DLC1: variants seen among roughly 807,000 people sequenced by gnomAD.
The protein encoded by DLC1 is DLC1 Rho GTPase activating protein.
Under a neutral mutation model 140.3 loss-of-function variants are expected in DLC1, and 54 were observed. The ratio of observed to expected loss-of-function variants is 0.38; its 90% CI spans 0.31 to 0.48. DLC1 has a LOEUF of 0.48. Ranked by LOEUF, DLC1 falls within the 20% of genes least tolerant of loss-of-function variation. The pLI, the probability that DLC1 is intolerant of heterozygous loss-of-function variation, is 0.96. For synonymous variants in DLC1, 986 were observed against 728.1 expected (o/e 1.35, Z -5.70); for missense variants, 2,536 against 1,907.0 (o/e 1.33, Z -6.14).
intron 4 of DLC1, among the ~76,000 whole-genome samples, chr8:13,343,783 G>C (rs1476871465): frequency 6.6e-6 from 1 of 152,108 alleles, no homozygotes; most frequent in African/African-American, 2.4e-5. Flanking sequence ...TAAGGCCTTT[G>C]GTTCAATTGA....
At chr8:13,587,855 A>G (rs1456055327) in intron 1 of DLC1, among the ~76,000 whole-genome samples, 2 of 100,250 alleles carry the variant, frequency 2.0e-5, no homozygotes, top group Non-Finnish European at 5.2e-5. Flanking sequence ...CCTGTATCAT[A>G]TCATGCCCCA....
chr8:13,095,495 C>T, intron 10 of DLC1: 1 of 502,204 alleles, frequency 2.0e-6, no homozygotes, highest in Non-Finnish European at 3.6e-6. Flanking sequence ...TTCCTATCAT[C>T]CAGACAGTTC....
chr8:13,092,681 T>C lies in DLC1; in HGVS notation c.3671A>G (p.Asn1224Ser). The change falls in exon 13 of 18, where the codon AAC becomes AGC. Residue 1224 changes from asparagine (N) to serine (S), a missense_variant. Transcript: ENST00000276297. Reference protein sequence around the residue: ...AVKENQMTPTNLAVCLAPSLF... With the variant: ...AVKENQMTPTSLAVCLAPSLF... ...GGAAGGCGCTAAGCACACGGCCAGG[T>C]TGGTTGGGGTCATCTGGTTTTCTTT... The C allele has an allele frequency of 6.2e-7, 1 of 1,614,032 alleles. No homozygotes were observed. The highest frequency in any genetic ancestry group is 1.3e-5 in the African/African-American group (1 of 74,976).
chr8:13,581,018 G>A (rs1310415869), intron 1 of DLC1, among the ~76,000 whole-genome samples: 1 of 152,196 alleles, frequency 6.6e-6, no homozygotes, highest in Non-Finnish European at 1.5e-5. Context: ...TGTAGGGCAG[G>A]AGAAGAGAAA....
At chr8:13,556,491 A>G (rs1454520115) in intron 1 of DLC1, among the ~76,000 whole-genome samples, 2 of 152,238 alleles carry the variant, frequency 1.3e-5, no homozygotes, top group Non-Finnish European at 2.9e-5. Flanking sequence ...CAGGGGGTCC[A>G]GACAAGGTGC....
At chr8:13,194,341 T>C (rs982999412) in intron 5 of DLC1, among the ~76,000 whole-genome samples, 1 of 152,200 alleles carries the variant, frequency 6.6e-6, no homozygotes, top group Non-Finnish European at 1.5e-5. Context: ...GGGAGCTGAG[T>C]GGGCAGCTAT....
At chr8:13,275,721 A>T (rs1831135715) in intron 5 of DLC1, among the ~76,000 whole-genome samples, 1 of 152,222 alleles carries the variant, frequency 6.6e-6, no homozygotes, top group Non-Finnish European at 1.5e-5. Context: ...CCTCTGGCAT[A>T]CATGACACCG....
chr8:13,100,260 T>A lies in DLC1; in HGVS notation c.2077A>T (p.Ile693Phe). The part of the protein sequence containing the change: ...KHKAPSKLGL[I>F]ISGPILQEGM... ...TCTTGCAAGATGGGCCCGCTGATGA[T>A]CAACCCCAGCTTTGAGGGCGCTTTG... The change falls in exon 9 of 18, where the codon ATC (isoleucine) becomes TTC (phenylalanine). Residue 693 changes from isoleucine to phenylalanine, a missense_variant. Ile to Phe is a conservative substitution (Grantham distance 21). Transcript: ENST00000276297. 1 of 1,614,154 alleles carries A rather than the reference T, an allele frequency of 6.2e-7. No homozygotes were observed. The highest frequency in any genetic ancestry group is 8.5e-7 in the Non-Finnish European group (1 of 1,180,036).
chr8:13,508,095 C>G (rs184734455), intron 1 of DLC1, among the ~76,000 whole-genome samples: 1 of 152,162 alleles, frequency 6.6e-6, no homozygotes, highest in African/African-American at 2.4e-5. Context: ...AAACTGCAAG[C>G]TATTATTTCA....
chr8:13,587,366 G>T (rs1483495450), intron 1 of DLC1, among the ~76,000 whole-genome samples: 6 of 151,952 alleles, frequency 3.9e-5, no homozygotes, highest in Non-Finnish European at 7.4e-5. Flanking sequence ...CTGGAACTTT[G>T]TTTTAGGATA....
chr8:13,342,615 G>C (rs1235616115), intron 4 of DLC1: 2 of 152,148 alleles, frequency 1.3e-5, no homozygotes. Flanking sequence ...TAGAAATCCT[G>C]CTTGGAAATT....
intron 5 of DLC1, among the ~76,000 whole-genome samples, chr8:13,198,420 T>C (rs746644088): frequency 6.6e-6 from 1 of 152,202 alleles, no homozygotes; most frequent in African/African-American, 2.4e-5. Flanking sequence ...CTTCTCTTTG[T>C]ATCGTAGAGT....
intron 2 of DLC1, among the ~76,000 whole-genome samples, chr8:13,448,060 A>G (rs1218499809): frequency 6.6e-6 from 1 of 152,198 alleles, no homozygotes; most frequent in Non-Finnish European, 1.5e-5. Context: ...TAATGACTTT[A>G]CTATGCTGAA....
At chr8:13,113,609 C>CAA (rs1348045507) in intron 6 of DLC1, among the ~76,000 whole-genome samples, 2 of 152,210 alleles carry the variant, frequency 1.3e-5, no homozygotes, top group Non-Finnish European at 2.9e-5. Flanking sequence ...AATAGGAGAA[C>CAA]AAAAGGACAG....
chr8:13,327,120 A>ATTTTTTTTTTTTTTTT (rs34667525), intron 4 of DLC1, among the ~76,000 whole-genome samples: 1 of 85,660 alleles, frequency 1.2e-5, no homozygotes, highest in African/African-American at 4.4e-5. Flanking sequence ...ACACCCGGCT[A>ATTTTTTTTTTTTTTTT]TTTTTTTTTT....
intron 5 of DLC1, 174 bp downstream of exon 5, chr8:13,305,095 G>C (rs542685437): frequency 3.1e-5 from 39 of 1,272,454 alleles, no homozygotes; most frequent in Non-Finnish European, 3.9e-5. Context: ...AGAAAACCAC[G>C]TATATTTTTC....
intron 5 of DLC1, among the ~76,000 whole-genome samples, chr8:13,271,347 C>T (rs1401911325): frequency 1.3e-5 from 2 of 152,208 alleles, no homozygotes; most frequent in East Asian, 3.8e-4. Context: ...GAACAGTTCA[C>T]AGGAGTCAAT....
chr8:13,098,271 C>T (rs922434764), intron 10 of DLC1, 128 bp downstream of exon 10: 31 of 1,210,112 alleles, frequency 2.6e-5, no homozygotes, highest in African/African-American at 1.5e-5. Flanking sequence ...AGAGTGATTG[C>T]CATAGGATGA....
chr8:13,300,639 T>G (rs1586094716), intron 5 of DLC1, among the ~76,000 whole-genome samples: 2 of 151,916 alleles, frequency 1.3e-5, no homozygotes, highest in Non-Finnish European at 2.9e-5. Flanking sequence ...GGGCAGAGGG[T>G]GGATCTGAGG....
Sources: allele counts gnomAD v4.1 joint callset (sites outside exome capture counted in the v4.1 genomes callset), GRCh38; gene constraint gnomAD v4.1.1; transcripts MANE v1.5; gene names NCBI Gene and HGNC (gene_info 2026-07-23, HGNC 2026-07-21).